The following ERG variants were observed in gnomAD, a reference collection of about 807,000 sequenced individuals.
ERG encodes the protein transcriptional regulator ERG.
ERG carries 9 observed loss-of-function variants against 55.3 expected under a neutral mutation model. The ratio of observed to expected loss-of-function variants is 0.16; its 90% CI spans 0.10 to 0.28. ERG has a LOEUF of 0.28. Ranked by LOEUF, ERG falls within the 10% of genes least tolerant of loss-of-function variation. The pLI is 1.00. For synonymous variants in ERG, 223 were observed against 237.3 expected, an observed-to-expected ratio of 0.94 and a Z score of 0.55; for missense variants, 434 against 631.6, an observed-to-expected ratio of 0.69 and a Z score of 3.35.
intron 1 of ERG, among the ~76,000 whole-genome samples, chr21:38,600,784 T>A (rs1037195014): frequency 7.9e-5 from 12 of 152,368 alleles, no homozygotes; most frequent in Admixed American, 5.2e-4. Context: ...GTATTCTTTA[T>A]GTTTTTTTTG....
At chr21:38,575,788 T>C (rs1428946339) in intron 1 of ERG, 2 of 1,396,742 alleles carry the variant, frequency 1.4e-6, no homozygotes, top group Non-Finnish European at 2.0e-6. Flanking sequence ...AATAAACAAC[T>C]GCATTTCTGT....
chr21:38,530,798 C>CT (rs1226056792), intron 2 of ERG, among the ~76,000 whole-genome samples: 2 of 152,206 alleles, frequency 1.3e-5, no homozygotes, highest in Admixed American at 1.3e-4. Context: ...ATGTAAAGAT[C>CT]TGCAAGAGCA....
At chr21:38,409,790 G>A (rs1817837386) in intron 3 of ERG, among the ~76,000 whole-genome samples, 1 of 152,186 alleles carries the variant, frequency 6.6e-6, no homozygotes, top group South Asian at 2.1e-4. Flanking sequence ...TGAAAGCTGG[G>A]CTCAGATCAA....
chr21:38,659,771 G>A (rs1032919091), intron 1 of ERG, among the ~76,000 whole-genome samples: 1 of 152,114 alleles, frequency 6.6e-6, no homozygotes, highest in Non-Finnish European at 1.5e-5. Context: ...ATTTTATTGC[G>A]CAGTGTAGTC....
chr21:38,658,237 A>T, intron 1 of ERG, among the ~76,000 whole-genome samples: 1 of 152,258 alleles, frequency 6.6e-6, no homozygotes, highest in East Asian at 1.9e-4. Flanking sequence ...TCAGCTGTCA[A>T]CTTAAACTGA....
chr21:38,403,757 T>G, intron 3 of ERG, 48 bp from the exon 4 acceptor site: 1 of 1,573,790 alleles, frequency 6.4e-7, no homozygotes, highest in Non-Finnish European at 8.7e-7. Flanking sequence ...GCCAGGGATC[T>G]TCATCTTGGG....
intron 2 of ERG, among the ~76,000 whole-genome samples, chr21:38,526,812 G>A (rs1159884035): frequency 1.3e-5 from 2 of 151,940 alleles, no homozygotes; most frequent in Non-Finnish European, 2.9e-5. Context: ...AAAATACACC[G>A]GTATGAAGGT....
intron 1 of ERG, among the ~76,000 whole-genome samples, chr21:38,453,161 C>T (rs984017420): frequency 1.3e-5 from 2 of 152,180 alleles, no homozygotes; most frequent in African/African-American, 4.8e-5. Context: ...TACCAAAGAG[C>T]GTATTATTGC....
At chr21:38,477,074 G>A (rs1345314265) in intron 1 of ERG, among the ~76,000 whole-genome samples, 2 of 123,386 alleles carry the variant, frequency 1.6e-5, no homozygotes, top group African/African-American at 6.1e-5. Context: ...TTGCACTGGT[G>A]CGCTCATGGC....
rs746315095 is a variant in ERG, at chr21:38,441,333, G to C, written c.236+4071C>G. Among the ~76,000 whole-genome samples, 187 of 152,088 alleles carry C rather than the reference G, an allele frequency of 1.2e-3. 1 individual carries two copies. Among genetic ancestry groups the C allele is most frequent in the Non-Finnish European group, 9.4e-4 (64 of 68,004 alleles). ...AGCTAGTCAGTTGAACTTGACTAAA[G>C]GAGATGATGTCAGATAATGTGAGTG... is the stretch of plus-strand genomic sequence containing the variant. On this transcript the variant is annotated intron_variant, in intron 2 of 9. Coordinates refer to ENST00000288319, the MANE Select transcript of ERG (RefSeq NM_182918.4).
chr21:38,553,883 GTA>G (rs2059840745), intron 2 of ERG, among the ~76,000 whole-genome samples: 2 of 110,596 alleles, frequency 1.8e-5, no homozygotes, highest in African/African-American at 5.4e-5. Context: ...TATCAATAGA[GTA>G]TACAGACAAT....
intron 1 of ERG, among the ~76,000 whole-genome samples, chr21:38,600,954 C>T (rs1336656978): frequency 6.6e-6 from 1 of 152,144 alleles, no homozygotes; most frequent in Non-Finnish European, 1.5e-5. Context: ...AAATCTCTGG[C>T]TCCAAGAGTC....
chr21:38,409,488 T>TA (rs71330329), intron 3 of ERG, among the ~76,000 whole-genome samples: 41,150 of 79,550 alleles, frequency 0.52, 9,837 homozygotes, highest in Non-Finnish European at 0.57. Flanking sequence ...CTCCGTCTCA[T>TA]AAAAAAAAAA....
At chr21:38,389,196 CA>C (rs1395801518) in intron 9 of ERG, among the ~76,000 whole-genome samples, 3 of 152,174 alleles carry the variant, frequency 2.0e-5, no homozygotes, top group Non-Finnish European at 2.9e-5. Flanking sequence ...GGCAAGAAAA[CA>C]AAAGTAGACT....
chr21:38,372,069 G>T, the ERG span, among the ~76,000 whole-genome samples: 1 of 151,830 alleles, frequency 6.6e-6, no homozygotes, highest in Non-Finnish European at 1.5e-5. Context: ...TGTCAGTTTT[G>T]CTAGGTTTGT....
At chr21:38,504,029 GGTGT>G (rs987751379) in intron 2 of ERG, among the ~76,000 whole-genome samples, 1 of 152,006 alleles carries the variant, frequency 6.6e-6, no homozygotes, top group Non-Finnish European at 1.5e-5. Flanking sequence ...TGTGTATGAG[GGTGT>G]GTGTGTGGGG....
intron 1 of ERG, among the ~76,000 whole-genome samples, chr21:38,612,368 T>C (rs1014298785): frequency 6.6e-6 from 1 of 152,232 alleles, no homozygotes; most frequent in African/African-American, 2.4e-5. Context: ...AGCATATTAA[T>C]AAAATTTTGA....
intron 2 of ERG, among the ~76,000 whole-genome samples, chr21:38,434,234 G>T (rs1037692693): frequency 6.6e-6 from 1 of 152,132 alleles, no homozygotes; most frequent in African/African-American, 2.4e-5. Flanking sequence ...TTAACATGGG[G>T]CTGGCATTTG....
intron 2 of ERG, among the ~76,000 whole-genome samples, chr21:38,425,762 C>A (rs541071182): frequency 6.6e-6 from 1 of 152,308 alleles, no homozygotes; most frequent in Admixed American, 6.5e-5. Context: ...CTGCAGAGAA[C>A]TTGGACAATC....
Sources: gnomAD v4.1 joint callset for allele counts (sites outside exome capture counted in the v4.1 genomes callset) on GRCh38, gnomAD v4.1.1 for gene constraint, MANE v1.5 for transcripts, NCBI Gene and HGNC (gene_info 2026-07-23, HGNC 2026-07-21) for gene names.